Variants in CPB2 observed in about 807,000 individuals in gnomAD.
CPB2 encodes the protein carboxypeptidase B-like protein.
Under a neutral mutation model 57.0 loss-of-function variants are expected in CPB2, and 54 were observed. The ratio of observed to expected loss-of-function variants is 0.95; its 90% CI spans 0.76 to 1.19. CPB2 has a LOEUF of 1.19. Among genes scored for constraint, CPB2 ranks in the 50% most tolerant of loss-of-function variants. The pLI is 0.00. For synonymous variants in CPB2, 189 were observed against 178.1 expected (o/e 1.06, Z -0.49); for missense variants, 426 against 512.0 (o/e 0.83, Z 1.62).
At chr13:46,082,403 T>C (rs1278900340) in intron 4 of CPB2, 38 bp downstream of exon 4, 1 of 1,226,762 alleles carries the variant, frequency 8.2e-7, no homozygotes, top group South Asian at 1.4e-5. Context: ...ACTGGTTAAA[T>C]GAAAATAGTA....
At chr13:46,070,957 G>A (rs2044932297) in intron 6 of CPB2, among the ~76,000 whole-genome samples, 1 of 152,030 alleles carries the variant, frequency 6.6e-6, no homozygotes. Flanking sequence ...CAGGTTATGG[G>A]GAACAAAAAA....
Position 46,073,904 on chromosome 13 carries a change from GAGATCC to G in CPB2, c.554_559del (p.Trp185_Ile186del), listed in dbSNP as rs2044981975. 2 of 1,587,438 alleles carry G rather than the reference GAGATCC, an allele frequency of 1.3e-6. No individual in the cohort carries two copies. The highest frequency in any genetic ancestry group is 2.7e-5 in the African/African-American group (2 of 74,642). On this transcript the variant is annotated inframe_deletion, in exon 6 of 11. Transcript: ENST00000181383. ...TATGAACCACAAGCAGAAAGCAGGAGAGATCCATTCTCTGGCATGGATTCCACAGTC... is the reference window on the plus strand; with the variant it reads ...TATGAACCACAAGCAGAAAGCAGGAGATTCTCTGGCATGGATTCCACAGTC...
intron 1 of CPB2, chr13:46,100,192 A>G (rs1171826003): frequency 6.6e-6 from 1 of 152,204 alleles, no homozygotes; most frequent in Non-Finnish European, 1.5e-5. Flanking sequence ...AGACCTCTTA[A>G]GAAGAAAAAA....
intron 5 of CPB2, among the ~76,000 whole-genome samples, chr13:46,076,849 G>GTAA (rs2045029808): frequency 6.6e-6 from 1 of 152,012 alleles, no homozygotes; most frequent in Non-Finnish European, 1.5e-5. Flanking sequence ...GGACAGTCTT[G>GTAA]TCAATAAATG....
chr13:46,066,341 TG>T (rs1393183219), intron 7 of CPB2, among the ~76,000 whole-genome samples: 3 of 152,148 alleles, frequency 2.0e-5, no homozygotes, highest in Non-Finnish European at 4.4e-5. Flanking sequence ...CAGAAGAGCA[TG>T]TTAAACTACA....
At chr13:46,102,189 C>CAG (rs2045442666) in intron 1 of CPB2, among the ~76,000 whole-genome samples, 2 of 152,204 alleles carry the variant, frequency 1.3e-5, no homozygotes, top group Non-Finnish European at 2.9e-5. Flanking sequence ...AACCCTCCTC[C>CAG]ACTCTCTAAT....
At chr13:46,084,494 A>G in intron 2 of CPB2, 151 bp from the exon 3 acceptor site, 1 of 725,782 alleles carries the variant, frequency 1.4e-6, no homozygotes, top group Non-Finnish European at 2.1e-6. Context: ...GGTAATATAA[A>G]CATTTATTTT....
intron 8 of CPB2, 152 bp downstream of exon 8, chr13:46,064,496 G>A (rs557480757): frequency 1.7e-5 from 10 of 590,788 alleles, no homozygotes; most frequent in East Asian, 3.0e-5. Context: ...GCCAACAGTC[G>A]CAGCATTACA....
At chr13:46,091,731 C>G (rs557243374) in intron 1 of CPB2, among the ~76,000 whole-genome samples, 1 of 152,308 alleles carries the variant, frequency 6.6e-6, no homozygotes, top group South Asian at 2.1e-4. Flanking sequence ...TGTGAGAATT[C>G]TTGGTGATTC....
At chr13:46,079,185 T>G (rs566598762) in intron 4 of CPB2, among the ~76,000 whole-genome samples, 1 of 152,340 alleles carries the variant, frequency 6.6e-6, no homozygotes, top group African/African-American at 2.4e-5. Context: ...AAAGTTACTT[T>G]TAAAGTCATC....
intron 8 of CPB2, among the ~76,000 whole-genome samples, chr13:46,062,545 G>A (rs2044790557): frequency 6.6e-6 from 1 of 152,160 alleles, no homozygotes; most frequent in African/African-American, 2.4e-5. Flanking sequence ...CTGGGAACAC[G>A]AGTGGTTTTT....
chr13:46,104,884 G>A, intron 1 of CPB2, 52 bp downstream of exon 1: 1 of 1,607,710 alleles, frequency 6.2e-7, no homozygotes, highest in Non-Finnish European at 8.5e-7. Context: ...ACGACATGAG[G>A]CAAACAAGTG....
intron 4 of CPB2, among the ~76,000 whole-genome samples, chr13:46,081,736 A>C (rs1217411278): frequency 6.6e-6 from 1 of 152,226 alleles, no homozygotes; most frequent in African/African-American, 2.4e-5. Context: ...AAAGGCATCA[A>C]GGTATTTTTA....
chr13:46,087,874 A>G (rs2045234440), intron 1 of CPB2, 54 bp from the exon 2 acceptor site: 1 of 1,234,322 alleles, frequency 8.1e-7, no homozygotes, highest in Non-Finnish European at 1.2e-6. Flanking sequence ...TAAAGATGGA[A>G]TATATTATAC....
intron 1 of CPB2, among the ~76,000 whole-genome samples, chr13:46,090,371 T>TG (rs1359976417): frequency 2.7e-5 from 4 of 150,250 alleles, no homozygotes; most frequent in African/African-American, 7.3e-5. Context: ...TCTTTTTTTT[T>TG]TTTTTTTTGG....
intron 8 of CPB2, among the ~76,000 whole-genome samples, chr13:46,064,284 C>G (rs550751611): frequency 2.2e-4 from 33 of 152,144 alleles, no homozygotes; most frequent in South Asian, 1.0e-3. Flanking sequence ...GGTCCTCCCC[C>G]CATCTCAGGT....
At chr13:46,101,913 C>G (rs2045439244) in intron 1 of CPB2, among the ~76,000 whole-genome samples, 1 of 152,192 alleles carries the variant, frequency 6.6e-6, no homozygotes, top group Admixed American at 6.5e-5. Context: ...AGGGTTCACA[C>G]TTTCACCATT....
rs1390019206 is a variant in CPB2 at position 46,058,381 on chromosome 13, T to C, written c.797A>G (p.Glu266Gly). Residue 266 changes from glutamate to glycine, a missense_variant and splice_region_variant, in exon 9 of 11, where the codon GAG becomes GGG. Physicochemically the swap from Glu to Gly is moderately conservative, Grantham distance 98 (BLOSUM62 -2). Transcript: ENST00000181383. ...GCATGAGGAACTGGATGCACCTTCC[T>C]CTGTAACGAAATTGTTAAGGTGAAA... ...NRNFASKHWC[E>G]EGASSSSCSE... is the part of the protein sequence containing the mutation. 6.2e-7 allele frequency: 1 copy of C among 1,613,716 alleles called. No individual in the cohort carries two copies. The highest frequency in any genetic ancestry group is 8.5e-7 in the Non-Finnish European group (1 of 1,179,820).
intron 8 of CPB2, among the ~76,000 whole-genome samples, chr13:46,060,609 C>A (rs2044758462): frequency 1.3e-5 from 2 of 152,128 alleles, no homozygotes; most frequent in African/African-American, 4.8e-5. Context: ...ACTAAGCCTT[C>A]AAATTCTGGT....
Sources: gnomAD v4.1 joint callset for allele counts (sites outside exome capture counted in the v4.1 genomes callset) on GRCh38, gnomAD v4.1.1 for gene constraint, MANE v1.5 for transcripts, NCBI Gene and HGNC (gene_info 2026-07-23, HGNC 2026-07-21) for gene names.